Variants in TRIM54 observed in about 807,000 individuals in gnomAD.
TRIM54 encodes tripartite motif containing 54.
TRIM54 carries 40 observed loss-of-function variants against 42.0 expected under a neutral mutation model. The ratio of observed to expected loss-of-function variants is 0.95; its 90% CI spans 0.74 to 1.24. The LOEUF (loss-of-function observed/expected upper bound fraction) is 1.24. Ranked by LOEUF, TRIM54 falls within the 50% of genes most tolerant of loss-of-function variation. TRIM54 has a pLI of 0.00. For missense variants in TRIM54, 485 were observed against 480.3 expected (o/e 1.01, Z -0.09); for synonymous variants, 199 against 194.9 (o/e 1.02, Z -0.17).
At chr2:27,284,132 CA>C (rs1471656049) in intron 1 of TRIM54, among the ~76,000 whole-genome samples, 8 of 151,774 alleles carry the variant, frequency 5.3e-5, no homozygotes, top group Non-Finnish European at 1.2e-4. Context: ...GACTCCATCT[CA>C]AAAAAACAAA....
At chr2:27,301,635 T>C (rs556084436) in intron 3 of TRIM54, among the ~76,000 whole-genome samples, 1 of 152,162 alleles carries the variant, frequency 6.6e-6, no homozygotes, top group Non-Finnish European at 1.5e-5. Context: ...TTTTGGTGGG[T>C]TTTGGCCGGC....
intron 1 of TRIM54, among the ~76,000 whole-genome samples, chr2:27,283,764 G>GCACACACGCACGCGCGCGCGCGCACACA (rs1558580798): frequency 2.5e-4 from 30 of 117,916 alleles, no homozygotes; most frequent in East Asian, 9.6e-4. Flanking sequence ...AGGGGCAAAG[G>GCACACACGCACGCGCGCGCGCGCACACA]CACACACACA....
chr2:27,302,178 C>A lies in TRIM54; in HGVS notation c.513+2762C>A, dbSNP rs550060399. Among the ~76,000 whole-genome samples, 13 of 151,726 alleles carry A rather than the reference C, an allele frequency of 8.6e-5. No individual in the cohort carries two copies. The South Asian group carries it at 2.3e-3, about 27-fold the overall frequency. Reference sequence around the variant, plus strand: ...CAAAAATAAATAAATAGGCCAGGCGCGGTGGCTCACGCCTGTAATCCCAGT... The same window carrying A: ...CAAAAATAAATAAATAGGCCAGGCGAGGTGGCTCACGCCTGTAATCCCAGT... On this transcript the variant is annotated intron_variant, in intron 3 of 8. Coordinates refer to ENST00000380075, the MANE Select transcript of TRIM54 (RefSeq NM_187841.3).
At chr2:27,291,862 TGGGACTGG>T (rs908706138) in intron 1 of TRIM54, among the ~76,000 whole-genome samples, 2 of 152,094 alleles carry the variant, frequency 1.3e-5, no homozygotes, top group African/African-American at 4.8e-5. Flanking sequence ...GAGGGGACTC[TGGGACTGG>T]GGGATGAAAG....
chr2:27,306,047 T>C lies in TRIM54; in HGVS notation c.844-33T>C. ...TGGGACTTTGCCCAGGTTGGCCCAG[T>C]GCTTACTCTCACCCTCCTTTTCTTC... On this transcript the variant is annotated intron_variant, in intron 5 of 8. Transcript: ENST00000380075. This position sits in a 1 kb window ranked among gnomAD's most constrained non-coding sequence, Gnocchi z 6.1. The C allele has an allele frequency of 1.2e-6, 2 of 1,613,272 alleles. No individual in the cohort carries two copies. The highest frequency in any genetic ancestry group is 1.7e-6 in the Non-Finnish European group (2 of 1,179,898).
intron 3 of TRIM54, 130 bp downstream of exon 3, chr2:27,299,546 T>G (rs1678969363): frequency 6.5e-7 from 1 of 1,533,326 alleles, no homozygotes; most frequent in Admixed American, 2.0e-5. Context: ...GATCTCACTC[T>G]GTTGCCCAGG....
intron 3 of TRIM54, among the ~76,000 whole-genome samples, chr2:27,303,526 G>C (rs1294404431): frequency 6.6e-6 from 1 of 151,938 alleles, no homozygotes; most frequent in Non-Finnish European, 1.5e-5. Context: ...CTCCAGCCTG[G>C]GCAACAGGGA....
intron 1 of TRIM54, among the ~76,000 whole-genome samples, chr2:27,283,772 A>ACGCGCGCG (rs1413594548): frequency 7.1e-5 from 8 of 112,088 alleles, no homozygotes; most frequent in East Asian, 4.7e-4. Context: ...AGGCACACAC[A>ACGCGCGCG]CACACACGCG....
chr2:27,297,980 CAAAAA>C (rs60106105), intron 1 of TRIM54, among the ~76,000 whole-genome samples: 1 of 56,880 alleles, frequency 1.8e-5, no homozygotes. Flanking sequence ...GAACCTGTCT[CAAAAA>C]AAAAAAAAAA....
chr2:27,286,267 C>T (rs1678556065), intron 1 of TRIM54, among the ~76,000 whole-genome samples: 1 of 151,908 alleles, frequency 6.6e-6, no homozygotes, highest in Non-Finnish European at 1.5e-5. Flanking sequence ...GTGCACACCA[C>T]CAAGCCCAGC....
intron 1 of TRIM54, among the ~76,000 whole-genome samples, chr2:27,289,734 G>C (rs1480918791): frequency 6.6e-6 from 1 of 152,002 alleles, no homozygotes; most frequent in Non-Finnish European, 1.5e-5. Context: ...TGTCTAAAAA[G>C]GATCCTGAGC....
chr2:27,298,745 C>G lies in TRIM54; in HGVS notation c.341+6C>G. 1 of 1,612,800 alleles carries G rather than the reference C, an allele frequency of 6.2e-7. No homozygotes were observed. Among genetic ancestry groups the G allele is most frequent in the Non-Finnish European group, 8.5e-7 (1 of 1,179,208 alleles). ...TACAAGCAGGAGTCATCCAGGTGAG[C>G]CACCAGAGTCTCTTGCCTCTCTCAT... On this transcript the variant is annotated splice_donor_region_variant and intron_variant, in intron 2 of 8. Coordinates refer to ENST00000380075, the MANE Select transcript of TRIM54 (RefSeq NM_187841.3).
intron 1 of TRIM54, among the ~76,000 whole-genome samples, chr2:27,286,184 G>A (rs1327014233): frequency 6.8e-6 from 1 of 147,990 alleles, no homozygotes; most frequent in South Asian, 2.2e-4. Context: ...TTTTTGAGAT[G>A]GTGTCACATT....
rs569473376 is a variant in TRIM54 at position 27,288,799 on chromosome 2, T to C, written c.168+5900T>C. ...GACAGACTAAGGACATAAATCTAGG[T>C]GTTCTGTTATGTTTCCTAGAGTGAT... On this transcript the variant is annotated intron_variant, in intron 1 of 8. Transcript: ENST00000380075. 6.6e-5 allele frequency among the ~76,000 whole-genome samples: 10 copies of C among 152,312 alleles called. No homozygotes were observed. The East Asian group carries it at 7.7e-4, about 12-fold the overall frequency.
At chr2:27,299,150 G>A (rs1341006421) in intron 2 of TRIM54, 95 bp from the exon 3 acceptor site, 38 of 1,415,196 alleles carry the variant, frequency 2.7e-5, no homozygotes, top group South Asian at 9.0e-5. Flanking sequence ...CTGCAGGGGC[G>A]GAGAAGGTGG....
intron 4 of TRIM54, 37 bp from the exon 5 acceptor site, chr2:27,305,547 G>A (rs779445201): frequency 7.6e-6 from 12 of 1,574,754 alleles, no homozygotes; most frequent in Non-Finnish European, 1.0e-5. Flanking sequence ...CCGGGTCTCA[G>A]CCACGCCTTC....
chr2:27,283,784 GCACACACACACACACA>G (rs3073589), intron 1 of TRIM54, among the ~76,000 whole-genome samples: 1 of 132,168 alleles, frequency 7.6e-6, no homozygotes, highest in African/African-American at 3.0e-5. Context: ...ACACACGCGC[GCACACACACACACACA>G]CACACACACA....
intron 1 of TRIM54, among the ~76,000 whole-genome samples, chr2:27,283,791 C>CACACACAA (rs1173186294): frequency 8.9e-5 from 13 of 146,382 alleles, no homozygotes; most frequent in African/African-American, 3.5e-4. Context: ...CGCGCACACA[C>CACACACAA]ACACACACAC....
chr2:27,301,179 G>A (rs927798455), intron 3 of TRIM54, among the ~76,000 whole-genome samples: 5 of 132,132 alleles, frequency 3.8e-5, no homozygotes, highest in South Asian at 2.3e-4. Context: ...CGCTCTTGTC[G>A]CCCAGGCTGG....
Sources: gnomAD v4.1 joint callset for allele counts (sites outside exome capture counted in the v4.1 genomes callset) on GRCh38, gnomAD v4.1.1 for gene constraint, Gnocchi (gnomAD v3.1) non-coding constraint, MANE v1.5 for transcripts, NCBI Gene and HGNC (gene_info 2026-07-23, HGNC 2026-07-21) for gene names.